RGS3: variants seen among roughly 807,000 people sequenced by gnomAD.
RGS3 encodes the protein regulator of G protein signaling 3.
In RGS3, 80 loss-of-function variants were observed where a neutral mutation model predicts 132.6. The observed-to-expected ratio is 0.60, with a 90% confidence interval of 0.50 to 0.73. The LOEUF (loss-of-function observed/expected upper bound fraction) is 0.73, where lower values mean the gene tolerates loss of function less well. Ranked by LOEUF, RGS3 falls within the 30% of genes least tolerant of loss-of-function variation. The probability of loss-of-function intolerance (pLI) is 0.00; values close to 1 mark genes in which losing one functional copy is unlikely to be tolerated. For missense variants in RGS3, 1,382 were observed against 1,530.8 expected (o/e 0.90, Z 1.62); for synonymous variants, 598 against 620.6 (o/e 0.96, Z 0.54).
At position 113,506,162 on chromosome 9, in the gene RGS3, T is replaced by C. The variant is rs149022774; in HGVS notation, c.980-226T>C. On this transcript the variant is annotated intron_variant, in intron 11 of 24. Coordinates refer to ENST00000350696, the Ensembl canonical transcript of RGS3. The surrounding 1 kb of genome is among the most constrained non-coding windows in gnomAD (Gnocchi z 4.7). ...AGAGGTAAGCCAGCAGTAGGGGAGG[T>C]AAGCCAGCAGTAGGGGAGGCAAGCA... 1.7e-4 allele frequency among the ~76,000 whole-genome samples: 25 copies of C among 150,576 alleles called. No homozygotes were observed. Among genetic ancestry groups the C allele is most frequent in the Admixed American group, 1.4e-3 (21 of 15,090 alleles).
At chr9:113,546,827 G>A (rs1833138094) in intron 19 of RGS3, among the ~76,000 whole-genome samples, 2 of 152,206 alleles carry the variant, frequency 1.3e-5, no homozygotes, top group Admixed American at 6.5e-5. Flanking sequence ...ACCTCTCACC[G>A]AGCCCCTTGC....
intron 15 of RGS3, among the ~76,000 whole-genome samples, chr9:113,516,735 C>A (rs762881263): frequency 6.6e-6 from 1 of 151,922 alleles, no homozygotes; most frequent in Non-Finnish European, 1.5e-5. Flanking sequence ...CTCGCTGTGT[C>A]CCCCAGGCTG....
chr9:113,517,130 G>A, intron 15 of RGS3: 1 of 434,136 alleles, frequency 2.3e-6, no homozygotes, highest in South Asian at 1.7e-5. Context: ...AAATCTCTTG[G>A]CATGTGGCTC....
chr9:113,518,820 A>T (rs920292505), intron 16 of RGS3, among the ~76,000 whole-genome samples: 24 of 151,816 alleles, frequency 1.6e-4, no homozygotes, highest in Admixed American at 5.9e-4. Context: ...GTTGGGAGGG[A>T]TTTAAGTTTT....
chr9:113,449,744 T>C (rs562578204), intron 1 of RGS3, among the ~76,000 whole-genome samples: 20 of 152,322 alleles, frequency 1.3e-4, no homozygotes, highest in African/African-American at 4.8e-4. Context: ...ATTTATTTAT[T>C]TTTAATTTTA....
At chr9:113,505,597 C>A (rs1831094149) in intron 11 of RGS3, 74 bp downstream of exon 9, 2 of 1,221,808 alleles carry the variant, frequency 1.6e-6, no homozygotes, top group Non-Finnish European at 2.4e-6. Flanking sequence ...TAGTCTGGAA[C>A]TAAAAGGGGA....
At chr9:113,519,437 A>T (rs1831829120) in intron 16 of RGS3, among the ~76,000 whole-genome samples, 1 of 151,410 alleles carries the variant, frequency 6.6e-6, no homozygotes, top group Admixed American at 6.6e-5. Context: ...ATAAATATTA[A>T]TGTATTCCTT....
At chr9:113,552,431 C>T (rs1053583122) in intron 19 of RGS3, among the ~76,000 whole-genome samples, 1 of 152,162 alleles carries the variant, frequency 6.6e-6, no homozygotes, top group African/African-American at 2.4e-5. Context: ...ATTCTCCTGC[C>T]TCAGCCTCCA....
chr9:113,497,911 G>T, intron 9 of RGS3, 114 bp from the exon 8 acceptor site: 1 of 986,312 alleles, frequency 1.0e-6, no homozygotes, highest in Non-Finnish European at 1.6e-6. Flanking sequence ...GAGGCCAGGA[G>T]TGGCCCTGGG....
chr9:113,484,206 C>A, exon 6 of RGS3: 1 of 1,611,944 alleles, frequency 6.2e-7, no homozygotes, highest in Non-Finnish European at 8.5e-7. Flanking sequence ...ACTGCAGAGA[C>A]CCGGCTTTCC....
chr9:113,592,821 G>T (rs1310221797), intron 21 of RGS3: 1 of 152,158 alleles, frequency 6.6e-6, no homozygotes, highest in Non-Finnish European at 1.5e-5. Context: ...CTTAGACGAA[G>T]AGTCTTAGAA....
At chr9:113,553,457 A>AT (rs1482392351) in intron 19 of RGS3, among the ~76,000 whole-genome samples, 10 of 90,874 alleles carry the variant, frequency 1.1e-4, no homozygotes, top group South Asian at 3.1e-4. Context: ...AAAAAAAAAA[A>AT]AAATATATAT....
chr9:113,445,568 A>G (rs1829083029), intron 1 of RGS3, among the ~76,000 whole-genome samples: 2 of 152,324 alleles, frequency 1.3e-5, no homozygotes, highest in South Asian at 4.1e-4. Flanking sequence ...TGTAGAAGCA[A>G]TAATCAATGA....
intron 1 of RGS3, among the ~76,000 whole-genome samples, chr9:113,445,397 C>G (rs1309947964): frequency 6.6e-6 from 1 of 151,992 alleles, no homozygotes; most frequent in African/African-American, 2.4e-5. Flanking sequence ...CGGGGTTTCT[C>G]CATGTTGGTC....
intron 17 of RGS3, among the ~76,000 whole-genome samples, chr9:113,527,720 C>A (rs1832276973): frequency 1.3e-5 from 2 of 152,222 alleles, no homozygotes; most frequent in Non-Finnish European, 2.9e-5. Context: ...TTCACCCACA[C>A]CAGGGCCCTC....
At chr9:113,505,592 T>A (rs1314857890) in intron 11 of RGS3, 69 bp downstream of exon 9, 12 of 1,308,418 alleles carry the variant, frequency 9.2e-6, no homozygotes, top group African/African-American at 4.4e-5. Flanking sequence ...AAACATAGTC[T>A]GGAACTAAAA....
chr9:113,564,708 C>A (rs1213700733), intron 19 of RGS3, among the ~76,000 whole-genome samples: 5 of 152,196 alleles, frequency 3.3e-5, no homozygotes, highest in African/African-American at 9.7e-5. Context: ...TGGCTGTCTC[C>A]GGGGGAGGAA....
intron 19 of RGS3, among the ~76,000 whole-genome samples, chr9:113,563,016 G>A (rs1438904905): frequency 1.3e-5 from 2 of 152,248 alleles, no homozygotes; most frequent in Non-Finnish European, 2.9e-5. Flanking sequence ...ATGGGAGGCA[G>A]AGGGCAGTGG....
intron 17 of RGS3, among the ~76,000 whole-genome samples, chr9:113,524,450 A>G (rs1015128449): frequency 7.9e-5 from 12 of 152,218 alleles, no homozygotes; most frequent in African/African-American, 2.9e-4. Context: ...TGTGCACATT[A>G]CAAGGCTGAA....
Sources: gnomAD v4.1 joint callset for allele counts (sites outside exome capture counted in the v4.1 genomes callset) on GRCh38, gnomAD v4.1.1 for gene constraint, Gnocchi (gnomAD v3.1) non-coding constraint, MANE v1.5 for transcripts, NCBI Gene and HGNC (gene_info 2026-07-23, HGNC 2026-07-21) for gene names.